The following KRT8 variants were observed in gnomAD, a reference collection of about 807,000 sequenced individuals.
The protein encoded by KRT8 is keratin 8, also known as keratin, type II cytoskeletal 8.
A neutral mutation model predicts 43.0 loss-of-function variants in KRT8; 24 were observed. The ratio of observed to expected loss-of-function variants is 0.56; its 90% CI spans 0.40 to 0.78. The LOEUF is 0.78. Ranked by LOEUF, KRT8 falls within the 30% of genes least tolerant of loss-of-function variation. The pLI is 0.00. For missense variants in KRT8, 492 were observed against 638.4 expected (o/e 0.77, Z 2.47); for synonymous variants, 214 against 261.2 (o/e 0.82, Z 1.74).
chr12:52,947,328 G>A (rs1017721177), intron 2 of KRT8: 6 of 152,240 alleles, frequency 3.9e-5, no homozygotes, highest in African/African-American at 1.4e-4. Context: ...CTTACAAGGG[G>A]GGACAGGGGA....
intron 2 of KRT8, among the ~76,000 whole-genome samples, chr12:52,912,304 C>A (rs1435410099): frequency 6.6e-6 from 1 of 152,242 alleles, no homozygotes; most frequent in East Asian, 1.9e-4. Flanking sequence ...AGTCTTACCT[C>A]TGATGAAAAT....
At chr12:52,908,871 C>T (rs888085501), upstream of KRT8, among the ~76,000 whole-genome samples, 54 of 152,072 alleles carry the variant, frequency 3.6e-4, no homozygotes, top group Admixed American at 3.0e-3. Context: ...CCAGGTATGG[C>T]GGCACACGCC....
At chr12:52,905,229 G>C (rs1416147450), upstream of KRT8, 2 of 600,332 alleles carry the variant, frequency 3.3e-6, no homozygotes, top group Non-Finnish European at 5.6e-6. Context: ...CGCCACCCAA[G>C]GGCCCGTTCC....
chr12:52,949,541 T>C lies in KRT8; in HGVS notation c.-132A>G, dbSNP rs748671089. 6 of 1,519,576 alleles carry C rather than the reference T, an allele frequency of 3.9e-6. No individual in the cohort carries two copies. In the South Asian group the frequency reaches 6.8e-5, roughly 17 times the overall value. The allele number at this position is 1,519,576 out of a possible 1,614,324, so 94.1% of individuals were successfully genotyped here. A position where few individuals can be genotyped will look rare whatever the true frequency, so the allele number is the denominator to read the frequency against. ...CACTTGGAGAAGAAGGGACCCCAGG[T>C]CAGAGACTGGAGCCATTACTTCAAG... On this transcript the variant is annotated 5_prime_UTR_variant, in exon 2 of 7. Coordinates refer to the KRT8 transcript ENST00000546826.
upstream of KRT8, among the ~76,000 whole-genome samples, chr12:52,905,795 G>A (rs1252967624): frequency 2.0e-5 from 3 of 151,988 alleles, no homozygotes; most frequent in Admixed American, 6.6e-5. Context: ...GAAGGTGCAA[G>A]ATAAAAAGAG....
chr12:52,934,884 G>A (rs1468135788), intron 2 of KRT8, among the ~76,000 whole-genome samples: 2 of 151,910 alleles, frequency 1.3e-5, no homozygotes, highest in African/African-American at 2.4e-5. Context: ...CAGGAGAATC[G>A]CTTGAACCCG....
intron 2 of KRT8, among the ~76,000 whole-genome samples, chr12:52,912,355 G>A (rs971108506): frequency 6.6e-6 from 1 of 152,174 alleles, no homozygotes; most frequent in Non-Finnish European, 1.5e-5. Context: ...CCCAGCCCCA[G>A]CCTCTTGGAA....
intron 2 of KRT8, among the ~76,000 whole-genome samples, chr12:52,929,227 C>G (rs1292589342): frequency 2.0e-5 from 3 of 150,128 alleles, no homozygotes; most frequent in African/African-American, 7.4e-5. Flanking sequence ...ACTCATTCGC[C>G]CAGGCTAGAG....
At chr12:52,947,649 T>C (rs1388665558) in intron 2 of KRT8, 1 of 151,990 alleles carries the variant, frequency 6.6e-6, no homozygotes, top group Non-Finnish European at 1.5e-5. Flanking sequence ...GGTTAATTTT[T>C]GTATTTTTAG....
intron 4 of KRT8, 63 bp downstream of exon 4, chr12:52,900,525 G>T: frequency 9.6e-7 from 1 of 1,043,500 alleles, no homozygotes; most frequent in Non-Finnish European, 1.5e-6. Flanking sequence ...CTCTGGTTGA[G>T]TCTCAGGGTG....
rs753856393 is a variant in KRT8 at position 52,897,615 on chromosome 12, C to A, written c.1265G>T (p.Gly422Val). 2 of 1,598,012 alleles carry A rather than the reference C, an allele frequency of 1.3e-6. No homozygotes were observed. Among genetic ancestry groups the A allele is most frequent in the East Asian group, 4.5e-5 (2 of 44,894 alleles). Reference sequence around the variant, plus strand: ...GAGGCCCCCATAGGCCGAGCTCAGACCACCTGGTGAGGGACAGAGGTAGCC... The same window carrying A: ...GAGGCCCCCATAGGCCGAGCTCAGAACACCTGGTGAGGGACAGAGGTAGCC... The change falls in exon 8 of 8, where the codon GGT becomes GTT. Residue 422 changes from glycine to valine, a missense_variant. Gly to Val is a moderately radical substitution (Grantham distance 109). Coordinates refer to ENST00000692008, the Ensembl canonical transcript of KRT8.
chr12:52,918,234 A>AGAAGAG (rs1565725834), intron 2 of KRT8, among the ~76,000 whole-genome samples: 2 of 151,568 alleles, frequency 1.3e-5, no homozygotes, highest in Non-Finnish European at 2.9e-5. Flanking sequence ...AAGAAGAAGA[A>AGAAGAG]GAAGAAGAAG....
At chr12:52,936,009 T>G (rs1052449723) in intron 2 of KRT8, among the ~76,000 whole-genome samples, 15 of 152,096 alleles carry the variant, frequency 9.9e-5, no homozygotes, top group African/African-American at 3.1e-4. Flanking sequence ...ATCCCAGCAC[T>G]TTGGGAGGCC....
At chr12:52,914,284 C>A (rs1592171763) in intron 2 of KRT8, among the ~76,000 whole-genome samples, 1 of 151,152 alleles carries the variant, frequency 6.6e-6, no homozygotes, top group East Asian at 2.0e-4. Context: ...CGCCTGTAAT[C>A]CCAGCACTTT....
intron 2 of KRT8, among the ~76,000 whole-genome samples, chr12:52,918,089 A>AGG (rs1941788264): frequency 1.7e-5 from 2 of 119,058 alleles, no homozygotes; most frequent in Non-Finnish European, 3.3e-5. Flanking sequence ...GGAGGAGGAG[A>AGG]AGAAGAAGAG....
At position 52,918,097 on chromosome 12, in the gene KRT8, GAGGAA is replaced by G. The variant is rs1189889402; in HGVS notation, c.-46-13075_-46-13071del. Among the ~76,000 whole-genome samples, 33 of 133,636 alleles carry G rather than the reference GAGGAA, an allele frequency of 2.5e-4. 1 individual carries two copies. Among genetic ancestry groups the G allele is most frequent in the African/African-American group, 9.4e-4 (30 of 31,838 alleles). The allele number at this position is 133,636 out of a possible 152,430, so 87.7% of individuals were successfully genotyped here. A position where few individuals can be genotyped will look rare whatever the true frequency, so the allele number is the denominator to read the frequency against. On this transcript the variant is annotated intron_variant, in intron 2 of 6. Coordinates refer to the KRT8 transcript ENST00000546826. ...AAGAGGAGGAGGAGGAGAAGAAGAAGAGGAAGAAGAAGAAGAAGAAGAGGAAGAAG... is the reference window on the plus strand; with the variant it reads ...AAGAGGAGGAGGAGGAGAAGAAGAAGGAAGAAGAAGAAGAAGAGGAAGAAG...
intron 2 of KRT8, among the ~76,000 whole-genome samples, chr12:52,944,824 G>C (rs966937196): frequency 6.6e-6 from 1 of 152,114 alleles, no homozygotes; most frequent in Non-Finnish European, 1.5e-5. Context: ...CTGAGAACCC[G>C]TTCCCACCTC....
chr12:52,938,161 TATATA>T (rs1565732961), intron 2 of KRT8, among the ~76,000 whole-genome samples: 33 of 37,926 alleles, frequency 8.7e-4, no homozygotes, highest in South Asian at 1.5e-3. Flanking sequence ...TATATATATA[TATATA>T]TATATTTTTT....
At chr12:52,916,665 C>G (rs1941746614) in intron 2 of KRT8, among the ~76,000 whole-genome samples, 1 of 152,160 alleles carries the variant, frequency 6.6e-6, no homozygotes, top group Non-Finnish European at 1.5e-5. Flanking sequence ...TTTATACTTG[C>G]CTCCTTAGCT....
Sources: allele counts gnomAD v4.1 joint callset (sites outside exome capture counted in the v4.1 genomes callset), GRCh38; gene constraint gnomAD v4.1.1; transcripts MANE v1.5; gene names NCBI Gene and HGNC (gene_info 2026-07-23, HGNC 2026-07-21).